Variants in CBL observed in about 807,000 individuals in gnomAD.
CBL encodes Cbl proto-oncogene, also known as E3 ubiquitin-protein ligase CBL.
Under a neutral mutation model 96.9 loss-of-function variants are expected in CBL, and 45 were observed. The observed-to-expected ratio is 0.46, with a 90% CI of 0.37 to 0.60. CBL has a LOEUF of 0.60. CBL is among the 20% of genes least tolerant of loss of function. The pLI is 0.00. For synonymous variants in CBL, 420 were observed against 426.8 expected (o/e 0.98, Z 0.20); for missense variants, 1,024 against 1,143.5 (o/e 0.90, Z 1.51).
intron 2 of CBL, among the ~76,000 whole-genome samples, chr11:119,236,260 A>G (rs1450911706): frequency 6.6e-6 from 1 of 151,956 alleles, no homozygotes; most frequent in Non-Finnish European, 1.5e-5. Flanking sequence ...GGTAATCACT[A>G]ATACCTGCTT....
intron 2 of CBL, among the ~76,000 whole-genome samples, chr11:119,249,436 T>C (rs1389311490): frequency 6.6e-6 from 1 of 151,318 alleles, no homozygotes; most frequent in Admixed American, 6.6e-5. Context: ...ACGCCTGTAA[T>C]CCCAGCTAGT....
At chr11:119,274,081 CTTT>C (rs373788107) in intron 4 of CBL, 57 bp downstream of exon 4, 798 of 914,642 alleles carry the variant, frequency 8.7e-4, no homozygotes, top group East Asian at 1.6e-3. Flanking sequence ...GAAGAGAAAG[CTTT>C]TTTTTTTTTT....
Position 119,297,455 on chromosome 11 carries a change from C to T in CBL, c.2225C>T (p.Pro742Leu), listed in dbSNP as rs1254817781. 1 of 1,613,230 alleles carries T rather than the reference C, an allele frequency of 6.2e-7. No homozygotes were observed. Among genetic ancestry groups the T allele is most frequent in the East Asian group, 2.2e-5 (1 of 44,874 alleles). ...EAMYNIQSQA[P>L]SITESSTFGE... ...ATGTATAATATTCAGTCCCAGGCGC[C>T]ATCTATCACCGAGAGCAGCACCTTT... The change falls in exon 14 of 16, where the codon CCA becomes CTA. Residue 742 changes from proline (P) to leucine (L), a missense_variant. Pro to Leu is a moderately conservative substitution (Grantham distance 98). Around this residue, in one of 4 missense-constraint regions of CBL, gnomAD observed 695 missense variants for 661.6 expected, o/e 1.05. Coordinates refer to ENST00000264033, the MANE Select transcript of CBL (RefSeq NM_005188.4).
At chr11:119,244,163 C>T (rs1949607352) in intron 2 of CBL, among the ~76,000 whole-genome samples, 1 of 152,088 alleles carries the variant, frequency 6.6e-6, no homozygotes, top group Non-Finnish European at 1.5e-5. Flanking sequence ...GTTCAGTGAA[C>T]CTAGCTAGAG....
chr11:119,270,949 A>G (rs902584486), intron 2 of CBL, among the ~76,000 whole-genome samples: 11 of 152,208 alleles, frequency 7.2e-5, no homozygotes, highest in Admixed American at 6.5e-4. Context: ...TGTTAACAGT[A>G]GCATATGCAC....
intron 2 of CBL, among the ~76,000 whole-genome samples, chr11:119,243,446 C>T (rs1318674387): frequency 6.6e-6 from 1 of 151,578 alleles, no homozygotes; most frequent in Non-Finnish European, 1.5e-5. Flanking sequence ...ACCACTGCGC[C>T]CAGCCTACTG....
Position 119,285,902 on chromosome 11 carries a change from AAAG to A in CBL, c.1941+342_1941+344del, listed in dbSNP as rs892535519. Reference sequence around the variant, plus strand: ...TAGAGTAAGACCCTGTCTTGAAAAAAAAGAAGAAAGAAAAAGAAATATGTGTGG... The same window carrying A: ...TAGAGTAAGACCCTGTCTTGAAAAAAAAGAAAGAAAAAGAAATATGTGTGG... On this transcript the variant is annotated intron_variant, in intron 11 of 15. Coordinates refer to ENST00000264033, the MANE Select transcript of CBL (RefSeq NM_005188.4). Among the ~76,000 whole-genome samples the A allele has an allele frequency of 6.6e-5, 10 of 152,266 alleles. No homozygotes were observed. The East Asian group carries it at 1.7e-3, about 26-fold the overall frequency.
At chr11:119,214,296 A>G (rs935106191) in intron 1 of CBL, among the ~76,000 whole-genome samples, 1 of 150,662 alleles carries the variant, frequency 6.6e-6, no homozygotes, top group African/African-American at 2.4e-5. Flanking sequence ...GCTGGCGTAC[A>G]GTCTCGGCTC....
At chr11:119,230,348 T>C (rs946749176) in intron 1 of CBL, among the ~76,000 whole-genome samples, 1 of 152,058 alleles carries the variant, frequency 6.6e-6, no homozygotes, top group Non-Finnish European at 1.5e-5. Flanking sequence ...GAGACGGGGT[T>C]TCACCGTGGT....
chr11:119,294,031 T>C lies in CBL; in HGVS notation c.2037-2887T>C, dbSNP rs955375781. ...TGTTAAGTCGTGGCTGCCTGGTTGC[T>C]CTCCAGTGTCTTCTTTCTTTTAAAG... On this transcript the variant is annotated intron_variant, in intron 12 of 15. Transcript: ENST00000264033. Among the ~76,000 whole-genome samples, 20 of 152,264 alleles carry C rather than the reference T, an allele frequency of 1.3e-4. 1 individual carries two copies. Among genetic ancestry groups the C allele is most frequent in the Middle Eastern group, 6.3e-3 (2 of 316 alleles).
Position 119,297,447 on chromosome 11 carries a change from C to A in CBL, c.2217C>A (p.Ser739=). The change falls in exon 14 of 16, where the codon TCC becomes TCA. Residue 739 remains serine, a synonymous_variant. Coordinates refer to ENST00000264033, the MANE Select transcript of CBL (RefSeq NM_005188.4). ...ATGAAGCAATGTATAATATTCAGTC[C>A]CAGGCGCCATCTATCACCGAGAGCA... The part of the protein sequence containing the change: ...CTYEAMYNIQ[S]QAPSITESST... 6.2e-7 allele frequency: 1 copy of A among 1,613,110 alleles called. No individual in the cohort carries two copies.
In CBL at chr11:119,299,803, GT is replaced by G; in HGVS notation, c.*25del. On this transcript the variant is annotated 3_prime_UTR_variant, in exon 16 of 16. Transcript: ENST00000264033. ...CTAGCACACCATCTCCCTGCTGCAG[GT>G]TTAGAGGACCAGTGAGTTGGGAGTT... 6.2e-7 allele frequency: 1 copy of G among 1,612,500 alleles called. No homozygotes were observed. Among genetic ancestry groups the G allele is most frequent in the South Asian group, 1.1e-5 (1 of 91,042 alleles).
chr11:119,261,069 C>G (rs143856571), intron 2 of CBL, among the ~76,000 whole-genome samples: 2 of 151,224 alleles, frequency 1.3e-5, no homozygotes, highest in African/African-American at 4.9e-5. Context: ...TGCGCCACCA[C>G]GCCTGGCTAA....
chr11:119,292,198 T>C (rs1950032311), intron 12 of CBL, among the ~76,000 whole-genome samples: 1 of 152,032 alleles, frequency 6.6e-6, no homozygotes, highest in South Asian at 2.1e-4. Flanking sequence ...CCTCCGTAAG[T>C]TTGGTAAAGT....
Position 119,303,230 on chromosome 11 carries a change from G to A in CBL, c.*3449G>A, listed in dbSNP as rs899976818. ...AAAGCAGAATATTCTCCTACCTCACGTCATTAAAGTCAGAAGATTATAGAC... is the reference window on the plus strand; with the variant it reads ...AAAGCAGAATATTCTCCTACCTCACATCATTAAAGTCAGAAGATTATAGAC... On this transcript the variant is annotated 3_prime_UTR_variant, in exon 16 of 16. Transcript: ENST00000264033. The A allele has an allele frequency of 8.6e-6, 2 of 231,280 alleles. No homozygotes were observed. Among genetic ancestry groups the A allele is most frequent in the South Asian group, 1.8e-4 (1 of 5,496 alleles). 14.3% of individuals were successfully genotyped at this position (231,280 alleles called of 1,614,324 possible).
At chr11:119,221,072 C>T (rs866021143) in intron 1 of CBL, among the ~76,000 whole-genome samples, 3 of 151,848 alleles carry the variant, frequency 2.0e-5, no homozygotes, top group Admixed American at 6.6e-5. Context: ...TGTGAAACCC[C>T]GTCTCTACTA....
In CBL at chr11:119,305,318, TG is replaced by T. The variant is rs949088956; in HGVS notation, c.*5540del. On this transcript the variant is annotated 3_prime_UTR_variant, in exon 16 of 16. Transcript: ENST00000264033. ...TCCTGTTCCAGAGCTAGCCTGTTCC[TG>T]GGTAGCCTTCCTTAGCCTCCATTCA... is the stretch of plus-strand genomic sequence containing the variant. The T allele has an allele frequency of 3.9e-5, 9 of 232,214 alleles. No homozygotes were observed. The highest frequency in any genetic ancestry group is 2.0e-4 in the African/African-American group (9 of 45,322). The allele number at this position is 232,214 out of a possible 1,614,324, so 14.4% of individuals were successfully genotyped here. A position where few individuals can be genotyped will look rare whatever the true frequency, so the allele number is the denominator to read the frequency against.
In CBL at chr11:119,301,884, C is replaced by A. The variant is rs763496685; in HGVS notation, c.*2103C>A. 14 of 232,904 alleles carry A rather than the reference C, an allele frequency of 6.0e-5. No individual in the cohort carries two copies. Among genetic ancestry groups the A allele is most frequent in the Non-Finnish European group, 9.3e-5 (11 of 118,022 alleles). 14.4% of individuals were successfully genotyped at this position (232,904 alleles called of 1,614,324 possible). A position where few individuals can be genotyped will look rare whatever the true frequency, so the allele number is the denominator to read the frequency against. On this transcript the variant is annotated 3_prime_UTR_variant, in exon 16 of 16. Transcript: ENST00000264033. ...TTGCATTTTGTTTAAATATTGAAGG[C>A]CTAGACAAAGAACTAGAAAAAAAAA...
chr11:119,264,258 A>G (rs777773690), intron 2 of CBL, among the ~76,000 whole-genome samples: 4 of 152,136 alleles, frequency 2.6e-5, no homozygotes, highest in African/African-American at 4.8e-5. Context: ...CAGTCTTGCT[A>G]TGTTGCCCAG....
Sources: allele counts gnomAD v4.1 joint callset (sites outside exome capture counted in the v4.1 genomes callset), GRCh38; gene constraint gnomAD v4.1.1; regional missense constraint gnomAD v4.1.1; transcripts MANE v1.5; gene names NCBI Gene and HGNC (gene_info 2026-07-23, HGNC 2026-07-21).